The following GTF2B variants were observed in gnomAD, a reference collection of about 807,000 sequenced individuals.
GTF2B encodes general transcription factor IIB, also known as transcription initiation factor IIB.
In GTF2B, 20 loss-of-function variants were observed where a neutral mutation model predicts 34.6. The ratio of observed to expected loss-of-function variants is 0.58; its 90% CI spans 0.41 to 0.84. The LOEUF (loss-of-function observed/expected upper bound fraction) is 0.84, where lower values mean the gene tolerates loss of function less well. GTF2B is among the 40% of genes least tolerant of loss of function. The pLI is 0.00. For synonymous variants in GTF2B, 142 were observed against 132.4 expected (o/e 1.07, Z -0.50); for missense variants, 237 against 393.3 (o/e 0.60, Z 3.36).
intron 2 of GTF2B, among the ~76,000 whole-genome samples, chr1:88,879,092 A>C (rs1162395486): frequency 6.6e-6 from 1 of 152,192 alleles, no homozygotes; most frequent in Non-Finnish European, 1.5e-5. Flanking sequence ...TTGGTTCCTG[A>C]AGTATTATGT....
intron 6 of GTF2B, among the ~76,000 whole-genome samples, chr1:88,854,631 T>G (rs1673261409): frequency 6.6e-6 from 1 of 152,014 alleles, no homozygotes; most frequent in African/African-American, 2.4e-5. Flanking sequence ...GCCTCCTGAG[T>G]AGCTGAGGCA....
intron 2 of GTF2B, among the ~76,000 whole-genome samples, chr1:88,886,928 T>A (rs1176894197): frequency 6.6e-6 from 1 of 151,404 alleles, no homozygotes; most frequent in Non-Finnish European, 1.5e-5. Context: ...TTATTATTAT[T>A]TTTTTTTTGA....
At chr1:88,862,606 G>C (rs1006132987) in intron 3 of GTF2B, among the ~76,000 whole-genome samples, 1 of 152,086 alleles carries the variant, frequency 6.6e-6, no homozygotes, top group African/African-American at 2.4e-5. Context: ...CCAGCACTTT[G>C]GGTGCCTGAG....
chr1:88,887,609 A>G, intron 1 of GTF2B: 1 of 411,808 alleles, frequency 2.4e-6, no homozygotes, highest in Non-Finnish European at 4.5e-6. Flanking sequence ...CAAAACATAA[A>G]TAGAAAATAA....
chr1:88,866,292 T>C (rs1673558662), intron 2 of GTF2B, among the ~76,000 whole-genome samples: 1 of 152,186 alleles, frequency 6.6e-6, no homozygotes, highest in Admixed American at 6.5e-5. Flanking sequence ...AGGTTGAGGC[T>C]GCAGGGAGCC....
At position 88,887,306 on chromosome 1, in the gene GTF2B, A is replaced by G. The variant is rs1169047818; in HGVS notation, c.79T>C (p.Tyr27His). 1 of 1,612,392 alleles carries G rather than the reference A, an allele frequency of 6.2e-7. No homozygotes were observed. Among genetic ancestry groups the G allele is most frequent in the Admixed American group, 1.7e-5 (1 of 60,004 alleles). The change falls in exon 2 of 7, where the codon TAC becomes CAC. Residue 27 changes from tyrosine (Y) to histidine (H), a missense_variant. Coordinates refer to ENST00000370500, the MANE Select transcript of GTF2B (RefSeq NM_001514.6). ...NHPDAILVED[Y>H]RAGDMICPEC... ...GGACAGATCATATCACCGGCTCTGT[A>G]GTCCTCCACTAAAATCGCATCTGGA... is the stretch of plus-strand genomic sequence containing the variant.
At chr1:88,876,739 A>G (rs1342813188) in intron 2 of GTF2B, among the ~76,000 whole-genome samples, 5 of 152,190 alleles carry the variant, frequency 3.3e-5, no homozygotes, top group Non-Finnish European at 7.3e-5. Context: ...TACACTATAT[A>G]TTTTATACAT....
At chr1:88,862,003 C>G (rs1449645828) in intron 3 of GTF2B, among the ~76,000 whole-genome samples, 2 of 151,978 alleles carry the variant, frequency 1.3e-5, no homozygotes, top group Admixed American at 1.3e-4. Context: ...TCCAAAGGTA[C>G]AAAAAATGCA....
chr1:88,867,903 C>CG (rs1557656083), intron 2 of GTF2B, among the ~76,000 whole-genome samples: 1 of 152,118 alleles, frequency 6.6e-6, no homozygotes, highest in Admixed American at 6.5e-5. Flanking sequence ...CTAAATGACT[C>CG]GTTCAAGAAT....
At chr1:88,886,929 T>TTA (rs1557662607) in intron 2 of GTF2B, among the ~76,000 whole-genome samples, 8 of 151,842 alleles carry the variant, frequency 5.3e-5, no homozygotes, top group East Asian at 3.9e-4. Flanking sequence ...TATTATTATT[T>TTA]TTTTTTTGAG....
intron 2 of GTF2B, among the ~76,000 whole-genome samples, chr1:88,882,982 T>C (rs151208186): frequency 2.0e-5 from 3 of 152,342 alleles, no homozygotes; most frequent in African/African-American, 4.8e-5. Flanking sequence ...GCTGAAAATA[T>C]AGCTTGAGCC....
At chr1:88,885,009 T>C (rs1373442795) in intron 2 of GTF2B, among the ~76,000 whole-genome samples, 2 of 152,268 alleles carry the variant, frequency 1.3e-5, no homozygotes, top group Non-Finnish European at 2.9e-5. Context: ...GCAATTAGTA[T>C]GCTGAGCAGC....
At chr1:88,853,757 T>A (rs1673241536) in intron 6 of GTF2B, among the ~76,000 whole-genome samples, 1 of 152,138 alleles carries the variant, frequency 6.6e-6, no homozygotes, top group Non-Finnish European at 1.5e-5. Flanking sequence ...TGAGCCGAGA[T>A]CGCACCACTG....
At chr1:88,881,008 CAAAAAAAAAA>C (rs57528139) in intron 2 of GTF2B, among the ~76,000 whole-genome samples, 1 of 92,772 alleles carries the variant, frequency 1.1e-5, no homozygotes, top group African/African-American at 4.0e-5. Context: ...GATGCTGTCT[CAAAAAAAAAA>C]AAAAAAAAAG....
chr1:88,864,619 T>C (rs1011079151), intron 2 of GTF2B, among the ~76,000 whole-genome samples: 1 of 152,218 alleles, frequency 6.6e-6, no homozygotes, highest in African/African-American at 2.4e-5. Flanking sequence ...AAATAATTTA[T>C]ACAGAATAAA....
intron 2 of GTF2B, among the ~76,000 whole-genome samples, chr1:88,866,066 T>C (rs1009151982): frequency 2.6e-5 from 4 of 151,938 alleles, no homozygotes; most frequent in Admixed American, 6.6e-5. Context: ...ATCTTAGTGA[T>C]AGATTTAAAA....
At chr1:88,876,244 T>C (rs2100974861) in intron 2 of GTF2B, among the ~76,000 whole-genome samples, 1 of 152,340 alleles carries the variant, frequency 6.6e-6, no homozygotes, top group Admixed American at 6.5e-5. Flanking sequence ...GGTAACCCAA[T>C]AATCTTTAAC....
chr1:88,864,216 A>C, intron 2 of GTF2B, 102 bp from the exon 3 acceptor site: 192 of 1,006,274 alleles, frequency 1.9e-4, no homozygotes, highest in Non-Finnish European at 2.7e-4. Flanking sequence ...AGGAAATCTC[A>C]ACATGGACAT....
intron 2 of GTF2B, among the ~76,000 whole-genome samples, chr1:88,867,449 A>G (rs541516205): frequency 2.0e-5 from 3 of 152,232 alleles, no homozygotes; most frequent in Non-Finnish European, 4.4e-5. Flanking sequence ...AAAGACAGAA[A>G]AGACAATCTA....
Sources: gnomAD v4.1 joint callset for allele counts (sites outside exome capture counted in the v4.1 genomes callset) on GRCh38, gnomAD v4.1.1 for gene constraint, MANE v1.5 for transcripts, NCBI Gene and HGNC (gene_info 2026-07-23, HGNC 2026-07-21) for gene names.